LARP4B: variants seen among roughly 807,000 people sequenced by gnomAD.
The protein encoded by LARP4B is la-related protein 4B.
Under a neutral mutation model 89.8 loss-of-function variants are expected in LARP4B, and 12 were observed. That is an observed-to-expected ratio of 0.13 (90% CI 0.09 to 0.22). The LOEUF is 0.22. Ranked by LOEUF, LARP4B falls within the 10% of genes least tolerant of loss-of-function variation. The probability of loss-of-function intolerance (pLI) is 1.00; values close to 1 mark genes in which losing one functional copy is unlikely to be tolerated. For missense variants in LARP4B, 757 were observed against 947.7 expected, an observed-to-expected ratio of 0.80 and a Z score of 2.64; for synonymous variants, 367 against 363.3, an observed-to-expected ratio of 1.01 and a Z score of -0.12.
chr10:950,078 A>C, the LARP4B span, among the ~76,000 whole-genome samples: 1 of 151,634 alleles, frequency 6.6e-6, no homozygotes, highest in African/African-American at 2.4e-5. Flanking sequence ...GCCTGGCCTT[A>C]GCTTTTTTTT....
rs1472969228 is a variant in LARP4B at position 825,848 on chromosome 10, C to A, written c.1148G>T (p.Gly383Val). The A allele has an allele frequency of 1.2e-6, 2 of 1,611,446 alleles. No individual in the cohort carries two copies. Among genetic ancestry groups the A allele is most frequent in the Non-Finnish European group, 1.7e-6 (2 of 1,178,230 alleles). ...TGGAGACGTAAACCCATTTATAAATCCAGTATTTGGAAATGGAGTTACCTA... is the reference window on the plus strand; with the variant it reads ...TGGAGACGTAAACCCATTTATAAATACAGTATTTGGAAATGGAGTTACCTA... Reference protein sequence around the residue: ...PPLVTPFPNTGFINGFTSPAF... With the variant: ...PPLVTPFPNTVFINGFTSPAF... Residue 383 changes from glycine (G) to valine (V), a missense_variant, in exon 12 of 18, where the codon GGA (glycine) becomes GTA (valine). Gly to Val is a moderately radical substitution (Grantham distance 109). Transcript: ENST00000316157.
intron 3 of LARP4B, among the ~76,000 whole-genome samples, chr10:879,549 G>C (rs1325142313): frequency 6.6e-6 from 1 of 152,188 alleles, no homozygotes; most frequent in Non-Finnish European, 1.5e-5. Context: ...CCAGGCTGGA[G>C]TGCAGTGGTG....
chr10:874,553 T>C (rs912500047), intron 3 of LARP4B, among the ~76,000 whole-genome samples: 3 of 152,238 alleles, frequency 2.0e-5, no homozygotes, highest in Admixed American at 6.5e-5. Flanking sequence ...ACTCACATAA[T>C]GGGTCTTGTC....
In LARP4B at chr10:812,997, G is replaced by A. The variant is rs764501869; in HGVS notation, c.2146C>T (p.Arg716Trp). The A allele has an allele frequency of 1.1e-5, 18 of 1,590,282 alleles. No individual in the cohort carries two copies. Among genetic ancestry groups the A allele is most frequent in the Middle Eastern group, 2.0e-4 (1 of 5,098 alleles). ...TTCCCCATGGCCGAGGGCGAGGGCC[G>A]GCCCCCCGCCGGCCGCCTCTGGTCT... Reference protein sequence around the residue: ...PRDQRRPAGGRPSPSAMGKRL... With the variant: ...PRDQRRPAGGWPSPSAMGKRL... Residue 716 changes from arginine (R) to tryptophan (W), a missense_variant, in exon 18 of 18, where the codon CGG (arginine) becomes TGG (tryptophan). Coordinates refer to ENST00000316157, the MANE Select transcript of LARP4B (RefSeq NM_015155.3).
chr10:870,013 G>A (rs1226958807), intron 3 of LARP4B: 45 of 979,516 alleles, frequency 4.6e-5, no homozygotes, highest in South Asian at 1.4e-4. Flanking sequence ...ACATACTTAC[G>A]AACTGTCCGT....
At chr10:943,466 G>A in the LARP4B span, among the ~76,000 whole-genome samples, 4,230 of 152,208 alleles carry the variant, frequency 0.028, 86 homozygotes, top group Non-Finnish European at 0.043. Context: ...GCCTCACTCT[G>A]TCACCCAGGC....
intron 1 of LARP4B, among the ~76,000 whole-genome samples, chr10:925,234 G>C (rs544357184): frequency 1.3e-4 from 20 of 152,228 alleles, no homozygotes; most frequent in African/African-American, 4.8e-4. Flanking sequence ...TGGATGACGG[G>C]CCTTACAGAA....
At position 899,899 on chromosome 10, in the gene LARP4B, G is replaced by C. The variant is rs141754498; in HGVS notation, c.-39-14139C>G. 3.1e-3 allele frequency among the ~76,000 whole-genome samples: 465 copies of C among 151,736 alleles called. 2 individuals are homozygous for C. The highest frequency in any genetic ancestry group is 0.01 in the African/African-American group (426 of 41,346). On this transcript the variant is annotated intron_variant, in intron 1 of 17. Transcript: ENST00000316157. Reference sequence around the variant, plus strand: ...ATTAAGTACTATATAATCTCCTTGGGAATCAATTAGAAAAAATCAAAATGT... The same window carrying C: ...ATTAAGTACTATATAATCTCCTTGGCAATCAATTAGAAAAAATCAAAATGT...
intron 3 of LARP4B, among the ~76,000 whole-genome samples, chr10:881,788 T>G (rs554117529): frequency 8.5e-5 from 13 of 152,340 alleles, no homozygotes; most frequent in African/African-American, 3.1e-4. Context: ...ACGCTCATCT[T>G]GTACCTAAGG....
intron 8 of LARP4B, among the ~76,000 whole-genome samples, chr10:835,998 C>T (rs1030464952): frequency 3.2e-4 from 49 of 152,118 alleles, no homozygotes; most frequent in African/African-American, 1.0e-3. Context: ...TGGCTTGGAC[C>T]AGGCTGCACT....
chr10:922,002 C>T (rs913482308), intron 1 of LARP4B, among the ~76,000 whole-genome samples: 18 of 151,952 alleles, frequency 1.2e-4, no homozygotes, highest in Non-Finnish European at 2.4e-4. Flanking sequence ...TCCAAGTCAG[C>T]GGTAACCAAT....
At chr10:829,816 T>A in intron 9 of LARP4B, 82 bp from the exon 10 acceptor site, 1 of 883,478 alleles carries the variant, frequency 1.1e-6, no homozygotes, top group Non-Finnish European at 1.9e-6. Flanking sequence ...ATAGCTCAAA[T>A]AGGGAAATAT....
At chr10:903,424 T>C (rs1474790859) in intron 1 of LARP4B, 1 of 152,260 alleles carries the variant, frequency 6.6e-6, no homozygotes, top group Non-Finnish European at 1.5e-5. Flanking sequence ...TATAAACTTA[T>C]CTTACTGCAC....
the LARP4B span, among the ~76,000 whole-genome samples, chr10:964,187 C>G: frequency 2.0e-5 from 3 of 152,168 alleles, no homozygotes; most frequent in Non-Finnish European, 4.4e-5. Context: ...CTGCCTCAGC[C>G]TCCCATGTAG....
At chr10:826,959 G>A (rs1383225096) in intron 11 of LARP4B, among the ~76,000 whole-genome samples, 1 of 152,198 alleles carries the variant, frequency 6.6e-6, no homozygotes, top group Non-Finnish European at 1.5e-5. Context: ...TCTTCACTCT[G>A]TAAGAATCGG....
intron 8 of LARP4B, 114 bp downstream of exon 8, chr10:836,289 G>C (rs1251946708): frequency 8.9e-6 from 6 of 676,712 alleles, no homozygotes; most frequent in Non-Finnish European, 1.6e-5. Flanking sequence ...GTTAATGTAA[G>C]TACTCAGTCT....
At chr10:936,094 C>T (rs1830745698), upstream of LARP4B, among the ~76,000 whole-genome samples, 1 of 152,036 alleles carries the variant, frequency 6.6e-6, no homozygotes, top group African/African-American at 2.4e-5. Flanking sequence ...AATGTGTAGC[C>T]GCATTGCTCA....
intron 1 of LARP4B, among the ~76,000 whole-genome samples, chr10:899,237 C>T (rs141246519): frequency 1.1e-3 from 163 of 152,226 alleles, no homozygotes; most frequent in African/African-American, 3.8e-3. Context: ...GTACCTTACA[C>T]GGGGATCTTC....
chr10:938,159 C>T, the LARP4B span, among the ~76,000 whole-genome samples: 1 of 152,058 alleles, frequency 6.6e-6, no homozygotes, highest in African/African-American at 2.4e-5. Flanking sequence ...GCTGGGATTA[C>T]AGGTGTGAGC....
Sources: gnomAD v4.1 joint callset for allele counts (sites outside exome capture counted in the v4.1 genomes callset) on GRCh38, gnomAD v4.1.1 for gene constraint, MANE v1.5 for transcripts, NCBI Gene and HGNC (gene_info 2026-07-23, HGNC 2026-07-21) for gene names.